KIAA1328: variants seen among roughly 807,000 people sequenced by gnomAD.
KIAA1328 encodes the protein KIAA1328.
Under a neutral mutation model 68.1 loss-of-function variants are expected in KIAA1328, and 52 were observed. The ratio of observed to expected loss-of-function variants is 0.76; its 90% CI spans 0.61 to 0.96. The LOEUF is 0.96. KIAA1328 is among the 40% of genes least tolerant of loss of function. The probability of loss-of-function intolerance (pLI) is 0.00; values close to 1 mark genes in which losing one functional copy is unlikely to be tolerated. For synonymous variants in KIAA1328, 232 were observed against 239.4 expected, an observed-to-expected ratio of 0.97 and a Z score of 0.28; for missense variants, 641 against 677.6, an observed-to-expected ratio of 0.95 and a Z score of 0.60.
Position 36,946,343 on chromosome 18 carries a change from A to G in KIAA1328, c.449-12965A>G, listed in dbSNP as rs1221693707. The G allele has an allele frequency of 2.0e-5, 3 of 152,242 alleles. No individual in the cohort carries two copies. The East Asian group carries it at 5.8e-4, about 29-fold the overall frequency. 9.4% of individuals were successfully genotyped at this position (152,242 alleles called of 1,614,324 possible). On this transcript the variant is annotated intron_variant, in intron 5 of 9. Transcript: ENST00000280020. ...GTCCAATAATGTATTACATTTCAAC[A>G]TAAAGGAGAAGGATGGGCCTCCTCT...
intron 6 of KIAA1328, among the ~76,000 whole-genome samples, chr18:37,035,469 CA>C: frequency 6.6e-6 from 1 of 152,146 alleles, no homozygotes; most frequent in Non-Finnish European, 1.5e-5. Flanking sequence ...ATCTGTTATT[CA>C]AATTGCTGGT....
chr18:37,002,218 A>ATTT (rs202067756), intron 6 of KIAA1328, among the ~76,000 whole-genome samples: 1 of 119,978 alleles, frequency 8.3e-6, no homozygotes, highest in African/African-American at 3.0e-5. Flanking sequence ...CTTTTTCTTC[A>ATTT]TTTTTTTTTC....
intron 5 of KIAA1328, among the ~76,000 whole-genome samples, chr18:36,915,393 A>AG (rs397821525): frequency 1.3e-5 from 2 of 151,896 alleles, no homozygotes; most frequent in African/African-American, 4.8e-5. Context: ...GGGGAAAAAA[A>AG]CTATTCTCCC....
chr18:36,829,468 C>T (rs1255127542), intron 1 of KIAA1328: 3 of 1,275,462 alleles, frequency 2.4e-6, no homozygotes, highest in African/African-American at 1.6e-5. Context: ...GCCTTGAGTC[C>T]AGGCTCAGTC....
downstream of KIAA1328, chr18:37,230,504 A>G (rs2060659677): frequency 6.6e-6 from 1 of 152,182 alleles, no homozygotes; most frequent in East Asian, 1.9e-4. Context: ...TTTCTCCTTT[A>G]GTCCGTAAGC....
In KIAA1328 at chr18:37,223,058, C is replaced by T. The variant is rs1338515818; in HGVS notation, c.*831C>T. Reference sequence around the variant, plus strand: ...TGTTCAGCTTATTCACCCCACCCCCCCACCCCCCATCACACGTGCTCCTGT... The same window carrying T: ...TGTTCAGCTTATTCACCCCACCCCCTCACCCCCCATCACACGTGCTCCTGT... On this transcript the variant is annotated 3_prime_UTR_variant, in exon 10 of 10. Coordinates refer to ENST00000280020, the MANE Select transcript of KIAA1328 (RefSeq NM_020776.3). The T allele has an allele frequency of 1.7e-5, 5 of 300,442 alleles. No individual in the cohort carries two copies. The highest frequency in any genetic ancestry group is 5.3e-5 in the African/African-American group (2 of 37,608). The allele number at this position is 300,442 out of a possible 1,614,324, so 18.6% of individuals were successfully genotyped here.
intron 5 of KIAA1328, among the ~76,000 whole-genome samples, chr18:36,948,242 TTTTG>T (rs1273708252): frequency 1.3e-5 from 2 of 151,406 alleles, no homozygotes; most frequent in South Asian, 4.2e-4. Context: ...TGACATGACT[TTTTG>T]TTTGTTTGTC....
intron 6 of KIAA1328, among the ~76,000 whole-genome samples, chr18:37,052,764 T>C (rs1334850608): frequency 6.6e-6 from 1 of 151,854 alleles, no homozygotes; most frequent in Non-Finnish European, 1.5e-5. Context: ...CACACAAAAA[T>C]GAAATACCTA....
In KIAA1328 at chr18:37,215,658, A is replaced by C. The variant is rs375211775; in HGVS notation, c.1524-6359A>C. Among the ~76,000 whole-genome samples the C allele has an allele frequency of 3.1e-4, 47 of 152,226 alleles. No individual in the cohort carries two copies. The South Asian group carries it at 7.1e-3, about 23-fold the overall frequency. On this transcript the variant is annotated intron_variant, in intron 9 of 9. Transcript: ENST00000280020. ...GCTTTGGTATCAGGATGATGCTGGC[A>C]TCATAAAATGAGTTAGGGAGGATTC... is the stretch of plus-strand genomic sequence containing the variant.
chr18:37,153,021 A>T (rs1391728157), intron 7 of KIAA1328, among the ~76,000 whole-genome samples: 1 of 152,188 alleles, frequency 6.6e-6, no homozygotes, highest in African/African-American at 2.4e-5. Context: ...GTAAAGGAAC[A>T]GGCAACATGG....
intron 1 of KIAA1328, among the ~76,000 whole-genome samples, chr18:36,830,539 A>C (rs1429698813): frequency 1.3e-5 from 2 of 152,198 alleles, no homozygotes; most frequent in African/African-American, 4.8e-5. Context: ...TTATTAGCTT[A>C]TAGCATCCTA....
intron 7 of KIAA1328, among the ~76,000 whole-genome samples, chr18:37,144,759 G>A (rs909375058): frequency 3.9e-5 from 6 of 151,984 alleles, no homozygotes; most frequent in Non-Finnish European, 7.4e-5. Flanking sequence ...TGAACCCCTG[G>A]TTTGAAGTTA....
At chr18:37,149,284 A>T (rs1391196499) in intron 7 of KIAA1328, among the ~76,000 whole-genome samples, 1 of 152,170 alleles carries the variant, frequency 6.6e-6, no homozygotes, top group Admixed American at 6.6e-5. Flanking sequence ...CTGATCTTCG[A>T]CAACCTGACA....
At chr18:36,954,789 G>A (rs1378420618) in intron 5 of KIAA1328, among the ~76,000 whole-genome samples, 2 of 151,558 alleles carry the variant, frequency 1.3e-5, no homozygotes, top group Non-Finnish European at 2.9e-5. Flanking sequence ...CCACCTCCTG[G>A]GTTCAAGCAA....
chr18:37,075,502 T>C (rs1042457882), intron 7 of KIAA1328: 1 of 152,070 alleles, frequency 6.6e-6, no homozygotes, highest in Non-Finnish European at 1.5e-5. Flanking sequence ...TAAATGTAAA[T>C]GGACTAAATG....
chr18:37,210,477 G>A (rs980679562), intron 9 of KIAA1328, among the ~76,000 whole-genome samples: 5 of 152,194 alleles, frequency 3.3e-5, no homozygotes, highest in Non-Finnish European at 7.3e-5. Context: ...GTGAAGTACA[G>A]AGGTAAGACA....
downstream of KIAA1328, among the ~76,000 whole-genome samples, chr18:37,227,555 C>T (rs1004743754): frequency 2.6e-5 from 4 of 152,312 alleles, no homozygotes; most frequent in Non-Finnish European, 4.4e-5. Flanking sequence ...CTACTCTGCC[C>T]ATGCTCTATA....
At chr18:36,833,352 C>T (rs888479773) in intron 1 of KIAA1328, 1 of 152,064 alleles carries the variant, frequency 6.6e-6, no homozygotes. Flanking sequence ...GAAAGAGCTT[C>T]CTGGGTAGAA....
At chr18:37,147,536 G>T (rs2058929164) in intron 7 of KIAA1328, among the ~76,000 whole-genome samples, 1 of 152,048 alleles carries the variant, frequency 6.6e-6, no homozygotes, top group Non-Finnish European at 1.5e-5. Context: ...GGATAGGTTT[G>T]GTTTTATGCT....
Sources: allele counts gnomAD v4.1 joint callset (sites outside exome capture counted in the v4.1 genomes callset), GRCh38; gene constraint gnomAD v4.1.1; transcripts MANE v1.5; gene names NCBI Gene and HGNC (gene_info 2026-07-23, HGNC 2026-07-21).